The following MED12L variants were observed in gnomAD, a reference collection of about 807,000 sequenced individuals.
MED12L encodes the protein mediator complex subunit 12L, also known as mediator of RNA polymerase II transcription subunit 12-like protein.
A neutral mutation model predicts 281.3 loss-of-function variants in MED12L; 60 were observed. The ratio of observed to expected loss-of-function variants is 0.21; its 90% CI spans 0.17 to 0.26. The LOEUF is 0.26. Among genes scored for constraint, MED12L ranks in the 10% least tolerant of loss-of-function variants. The pLI is 1.00. For missense variants in MED12L, 2,146 were observed against 2,680.9 expected (o/e 0.80, Z 4.41); for synonymous variants, 974 against 987.2 (o/e 0.99, Z 0.25).
chr3:151,388,041 C>T lies in MED12L; in HGVS notation c.5320C>T (p.Pro1774Ser), dbSNP rs1235324797. The T allele has an allele frequency of 1.9e-6, 3 of 1,613,916 alleles. No individual in the cohort carries two copies. The highest frequency in any genetic ancestry group is 1.7e-5 in the Admixed American group (1 of 59,992). ...PLPPEEEEEE[P>S]TSPVSQEPER... ...GCCTCCTGAGGAGGAAGAGGAAGAG[C>T]CCACATCTCCAGTTTCTCAGGAACC... Residue 1774 changes from proline to serine, a missense_variant, in exon 37 of 45, where the codon CCC becomes TCC. Pro to Ser is a moderately conservative substitution (Grantham distance 74). This residue lies in a region of MED12L where 496 missense variants were observed against 512.0 expected (regional missense o/e 0.97). Coordinates refer to ENST00000687756, the MANE Select transcript of MED12L (RefSeq NM_001393769.1).
chr3:151,128,017 C>T (rs1357800141), intron 5 of MED12L, 33 bp downstream of exon 5: 2 of 1,576,934 alleles, frequency 1.3e-6, no homozygotes, highest in South Asian at 1.1e-5. Context: ...CCTTACATTT[C>T]ATTATTGATT....
chr3:151,329,470 T>C (rs1487485450), intron 16 of MED12L: 2 of 1,529,626 alleles, frequency 1.3e-6, no homozygotes, highest in Admixed American at 2.0e-5. Context: ...ATAACAAAAA[T>C]TGAAATTCAC....
rs2108020182 is a variant in MED12L, at chr3:151,372,587, A to G, written c.3685A>G (p.Asn1229Asp). 1 of 1,613,798 alleles carries G rather than the reference A, an allele frequency of 6.2e-7. No homozygotes were observed. The highest frequency in any genetic ancestry group is 2.2e-5 in the East Asian group (1 of 44,862). Residue 1229 changes from asparagine (N) to aspartate (D), a missense_variant, in exon 27 of 45, where the codon AAC becomes GAC. By Grantham distance (23) the Asn-to-Asp change is conservative. This residue lies in a region of MED12L where 235 missense variants were observed against 260.3 expected (regional missense o/e 0.90). Coordinates refer to ENST00000687756, the MANE Select transcript of MED12L (RefSeq NM_001393769.1). The part of the protein sequence containing the change: ...MMLGDAKIGN[N>D]SVSSLKNDDF... ...CTTAGGAGATGCCAAAATTGGCAAT[A>G]ACAGTGTCAGCTCTTTAAAGAATGA... is the stretch of plus-strand genomic sequence containing the variant.
At chr3:151,357,517 A>G (rs1754075036) in intron 20 of MED12L, 141 bp downstream of exon 20, 3 of 689,288 alleles carry the variant, frequency 4.4e-6, no homozygotes, top group Non-Finnish European at 6.7e-6. Flanking sequence ...CTTGCCAGAA[A>G]ACATCGATCA....
intron 5 of MED12L, among the ~76,000 whole-genome samples, chr3:151,137,461 C>T (rs569606210): frequency 1.3e-5 from 2 of 152,222 alleles, no homozygotes; most frequent in East Asian, 1.9e-4. Flanking sequence ...CTGCTTCTTT[C>T]TAGTGGGGAA....
chr3:151,138,430 A>G (rs187323355), intron 5 of MED12L, among the ~76,000 whole-genome samples: 2 of 152,262 alleles, frequency 1.3e-5, no homozygotes, highest in Admixed American at 1.3e-4. Flanking sequence ...TACATTTATT[A>G]TAATTAATGA....
In MED12L at chr3:151,377,189, CTGT is replaced by C; in HGVS notation, c.4316+16_4316+18del. 6.3e-7 allele frequency: 1 copy of C among 1,598,112 alleles called. No individual in the cohort carries two copies. The highest frequency in any genetic ancestry group is 8.5e-7 in the Non-Finnish European group (1 of 1,173,642). On this transcript the variant is annotated intron_variant, in intron 30 of 44. Coordinates refer to ENST00000687756, the MANE Select transcript of MED12L (RefSeq NM_001393769.1). ...AAAGACATTCCTAAGGTATTTTTGTCTGTTGTTTTATTGAACTGTCATGAATTT... is the reference window on the plus strand; with the variant it reads ...AAAGACATTCCTAAGGTATTTTTGTCTGTTTTATTGAACTGTCATGAATTT...
intron 2 of MED12L, among the ~76,000 whole-genome samples, chr3:151,112,374 G>C (rs187515380): frequency 6.6e-6 from 1 of 151,198 alleles, no homozygotes; most frequent in Non-Finnish European, 1.5e-5. Context: ...TCCACCTCTC[G>C]GGTTCAAGCA....
chr3:151,409,187 C>T, intron 39 of MED12L, 56 bp from the exon 40 acceptor site: 1 of 1,372,866 alleles, frequency 7.3e-7, no homozygotes, highest in Non-Finnish European at 1.0e-6. Context: ...TAACCAGAAG[C>T]TCAAATCAAG....
chr3:151,120,097 CACCCATA>C (rs1342413691), intron 3 of MED12L, among the ~76,000 whole-genome samples: 1 of 150,732 alleles, frequency 6.6e-6, no homozygotes, highest in African/African-American at 2.4e-5. Context: ...TGGTGGTCGG[CACCCATA>C]ATCCCAGCTA....
chr3:151,246,504 AAAAC>A (rs1424476795), intron 16 of MED12L, among the ~76,000 whole-genome samples: 7 of 152,190 alleles, frequency 4.6e-5, no homozygotes, highest in African/African-American at 1.7e-4. Context: ...AAACCTGAGA[AAAAC>A]AAGCAATGGG....
chr3:151,203,349 G>A (rs1205773180), intron 16 of MED12L: 1 of 150,786 alleles, frequency 6.6e-6, no homozygotes, highest in East Asian at 1.9e-4. Context: ...TTTCATGTAT[G>A]CTTTCTTAAG....
chr3:151,185,985 A>G (rs929771830), intron 12 of MED12L, among the ~76,000 whole-genome samples: 1 of 152,210 alleles, frequency 6.6e-6, no homozygotes, highest in Non-Finnish European at 1.5e-5. Context: ...TGTATAAGAT[A>G]TACCAACTTT....
chr3:151,099,913 A>T (rs1008006635), intron 2 of MED12L, among the ~76,000 whole-genome samples: 2 of 152,166 alleles, frequency 1.3e-5, no homozygotes, highest in African/African-American at 4.8e-5. Context: ...ACCTGGAGAG[A>T]TGGAAGTTTC....
intron 16 of MED12L, among the ~76,000 whole-genome samples, chr3:151,207,637 A>G (rs1366754613): frequency 1.3e-5 from 2 of 152,344 alleles, no homozygotes; most frequent in East Asian, 3.9e-4. Flanking sequence ...GGAGCTGTCA[A>G]TTGGGCAGTA....
intron 24 of MED12L, 29 bp downstream of exon 24, chr3:151,367,795 C>T: frequency 6.3e-7 from 1 of 1,579,990 alleles, no homozygotes; most frequent in South Asian, 1.2e-5. Flanking sequence ...ACATCCGTTG[C>T]TCTTTGATTG....
rs764745405 is a variant in MED12L at position 151,328,995 on chromosome 3, C to T, written c.2251-21064C>T. 2.5e-6 allele frequency: 4 copies of T among 1,592,706 alleles called. No homozygotes were observed. The South Asian group carries it at 4.5e-5, about 18-fold the overall frequency. On this transcript the variant is annotated intron_variant, in intron 16 of 44. Coordinates refer to ENST00000687756, the MANE Select transcript of MED12L (RefSeq NM_001393769.1). ...CCTTGCATCACTGTGGTGTTCATTGCTTCCAGTGTCACCTGTTACCAATAA... is the reference window on the plus strand; with the variant it reads ...CCTTGCATCACTGTGGTGTTCATTGTTTCCAGTGTCACCTGTTACCAATAA...
At chr3:151,162,704 G>T (rs1049265295) in intron 8 of MED12L, among the ~76,000 whole-genome samples, 4 of 152,150 alleles carry the variant, frequency 2.6e-5, no homozygotes, top group Non-Finnish European at 5.9e-5. Flanking sequence ...TTCCCAGAGC[G>T]CTGGGATTAT....
intron 2 of MED12L, among the ~76,000 whole-genome samples, chr3:151,107,795 T>C (rs1722259967): frequency 6.6e-6 from 1 of 152,236 alleles, no homozygotes; most frequent in African/African-American, 2.4e-5. Context: ...GAGTTATTCC[T>C]GTCTCCTTTC....
Sources: gnomAD v4.1 joint callset for allele counts (sites outside exome capture counted in the v4.1 genomes callset) on GRCh38, gnomAD v4.1.1 for gene constraint, gnomAD v4.1.1 regional missense constraint, MANE v1.5 for transcripts, NCBI Gene and HGNC (gene_info 2026-07-23, HGNC 2026-07-21) for gene names.